MED12L: variants seen among roughly 807,000 people sequenced by gnomAD.
MED12L encodes the protein mediator of RNA polymerase II transcription subunit 12-like protein.
Under a neutral mutation model 281.3 loss-of-function variants are expected in MED12L, and 60 were observed. The ratio of observed to expected loss-of-function variants is 0.21; its 90% CI spans 0.17 to 0.26. The LOEUF (loss-of-function observed/expected upper bound fraction) is 0.26. Among genes scored for constraint, MED12L ranks in the 10% least tolerant of loss-of-function variants. The pLI, the probability that MED12L is intolerant of heterozygous loss-of-function variation, is 1.00. For synonymous variants in MED12L, 974 were observed against 987.2 expected, an observed-to-expected ratio of 0.99 and a Z score of 0.25; for missense variants, 2,146 against 2,680.9, an observed-to-expected ratio of 0.80 and a Z score of 4.41.
In MED12L at chr3:151,360,519, T is replaced by C. The variant is rs778239972; in HGVS notation, c.2871T>C (p.Ser957=). ...VKHVVNPSEC[S]SPERCILAYL... is the part of the protein sequence containing the mutation. ...ATGTCGTAAACCCCTCAGAATGTTC[T>C]TCCCCTGAAAGATGCATTTTAGCCT... Residue 957 remains serine, a synonymous_variant, in exon 21 of 45, where the codon TCT becomes TCC. Coordinates refer to ENST00000687756, the MANE Select transcript of MED12L (RefSeq NM_001393769.1). 4 of 1,612,974 alleles carry C rather than the reference T, an allele frequency of 2.5e-6. No homozygotes were observed. The highest frequency in any genetic ancestry group is 3.4e-6 in the Non-Finnish European group (4 of 1,179,134).
chr3:151,254,698 A>T (rs749017639), intron 16 of MED12L, among the ~76,000 whole-genome samples: 2 of 152,232 alleles, frequency 1.3e-5, no homozygotes, highest in Non-Finnish European at 2.9e-5. Context: ...CGCAGCATAG[A>T]TGCTTCTTAG....
intron 16 of MED12L, among the ~76,000 whole-genome samples, chr3:151,303,002 G>A (rs951357296): frequency 3.3e-5 from 5 of 152,156 alleles, no homozygotes; most frequent in Admixed American, 3.3e-4. Flanking sequence ...TGATGCCCAG[G>A]TTGTGGCAGG....
chr3:151,238,685 A>G (rs1260924082), intron 16 of MED12L, among the ~76,000 whole-genome samples: 1 of 152,206 alleles, frequency 6.6e-6, no homozygotes, highest in Non-Finnish European at 1.5e-5. Flanking sequence ...CTGACATACA[A>G]TCTTAAACAA....
intron 7 of MED12L, among the ~76,000 whole-genome samples, chr3:151,159,095 T>C (rs1325719562): frequency 6.6e-6 from 1 of 150,418 alleles, no homozygotes; most frequent in South Asian, 2.1e-4. Context: ...ACTGTCTCCA[T>C]ATAATAACAC....
chr3:151,248,969 C>G (rs889009494), intron 16 of MED12L: 1 of 152,144 alleles, frequency 6.6e-6, no homozygotes, highest in African/African-American at 2.4e-5. Context: ...CTGGACTGCT[C>G]GTGTTGACCA....
intron 9 of MED12L, 48 bp downstream of exon 9, chr3:151,164,090 G>T (rs750503290): frequency 1.3e-6 from 2 of 1,595,570 alleles, no homozygotes; most frequent in Admixed American, 1.7e-5. Context: ...ATTCTTGACA[G>T]GCATCAGGGC....
At chr3:151,167,104 A>G (rs1022163374) in intron 11 of MED12L, among the ~76,000 whole-genome samples, 3 of 152,326 alleles carry the variant, frequency 2.0e-5, no homozygotes, top group East Asian at 1.9e-4. Flanking sequence ...TTTAGCAACA[A>G]CTAGACTGGT....
chr3:151,302,926 T>A (rs1746137909), intron 16 of MED12L, among the ~76,000 whole-genome samples: 1 of 152,190 alleles, frequency 6.6e-6, no homozygotes, highest in South Asian at 2.1e-4. Flanking sequence ...TTTGGGATGC[T>A]GTGAAGATAC....
chr3:151,247,012 T>TG (rs1195691545), intron 16 of MED12L, among the ~76,000 whole-genome samples: 5 of 151,852 alleles, frequency 3.3e-5, no homozygotes, highest in African/African-American at 4.8e-5. Flanking sequence ...AAAAAACACA[T>TG]GAAAAAATCC....
Position 151,385,248 on chromosome 3 carries a change from T to C in MED12L, c.5088+57T>C, listed in dbSNP as rs1305080129. ...TTTATTTACAAAAGATGAAATACTT[T>C]TTTTTGTCTTACCATAGGATATATA... On this transcript the variant is annotated intron_variant, in intron 36 of 44. Transcript: ENST00000687756. 42 of 931,220 alleles carry C rather than the reference T, an allele frequency of 4.5e-5. No individual in the cohort carries two copies. In the East Asian group the frequency reaches 1.2e-3, roughly 26 times the overall value. The allele number at this position is 931,220 out of a possible 1,614,324, so 57.7% of individuals were successfully genotyped here.
chr3:151,175,902 T>C (rs1352890292), intron 11 of MED12L, among the ~76,000 whole-genome samples: 6 of 152,222 alleles, frequency 3.9e-5, no homozygotes, highest in Admixed American at 3.3e-4. Context: ...ACTGTAGATA[T>C]GCCCCAAGTT....
chr3:151,265,851 G>A (rs1402911979), intron 16 of MED12L, among the ~76,000 whole-genome samples: 1 of 152,184 alleles, frequency 6.6e-6, no homozygotes, highest in Admixed American at 6.5e-5. Context: ...GAAATTGGAA[G>A]GGTCTCTTGG....
intron 16 of MED12L, among the ~76,000 whole-genome samples, chr3:151,253,743 T>A (rs973347493): frequency 3.3e-5 from 5 of 152,132 alleles, no homozygotes; most frequent in African/African-American, 1.2e-4. Flanking sequence ...GTGGGGCAGG[T>A]GACTTTTTTG....
intron 11 of MED12L, among the ~76,000 whole-genome samples, chr3:151,181,899 C>A (rs780561340): frequency 5.9e-5 from 9 of 151,992 alleles, no homozygotes; most frequent in Non-Finnish European, 1.0e-4. Flanking sequence ...TTTGTAATAA[C>A]CATTTCTGGC....
intron 16 of MED12L, chr3:151,294,070 T>G: frequency 1.3e-6 from 1 of 764,420 alleles, no homozygotes. Context: ...ATCATTTTAG[T>G]TCTTTGAATT....
Position 151,247,268 on chromosome 3 carries a change from T to C in MED12L, c.2250+53602T>C, listed in dbSNP as rs553585191. ...CCCAGCCATCCCATTACTGGGTATA[T>C]ACCCAAAGGATTATAAATCATGCTG... is the stretch of plus-strand genomic sequence containing the variant. On this transcript the variant is annotated intron_variant, in intron 16 of 44. Transcript: ENST00000687756. 9.9e-3 allele frequency among the ~76,000 whole-genome samples: 1,507 copies of C among 152,194 alleles called. 26 individuals are homozygous for C. The highest frequency in any genetic ancestry group is 0.034 in the African/African-American group (1,395 of 41,514).
chr3:151,168,165 C>G (rs906166682), intron 11 of MED12L, among the ~76,000 whole-genome samples: 1 of 152,168 alleles, frequency 6.6e-6, no homozygotes, highest in Non-Finnish European at 1.5e-5. Flanking sequence ...TGAAATCACA[C>G]TGTGAGGTTC....
rs918859754 is a variant in MED12L at position 151,362,241 on chromosome 3, C to T, written c.2957+1636C>T. 3.3e-5 allele frequency among the ~76,000 whole-genome samples: 5 copies of T among 152,128 alleles called. No homozygotes were observed. The East Asian group carries it at 7.7e-4, about 24-fold the overall frequency. On this transcript the variant is annotated intron_variant, in intron 21 of 44. Coordinates refer to ENST00000687756, the MANE Select transcript of MED12L (RefSeq NM_001393769.1). Reference sequence around the variant, plus strand: ...CATTTTCAACATCCACTAAAGTGATCCTTTTAATATACGAATGATTCACAG... The same window carrying T: ...CATTTTCAACATCCACTAAAGTGATTCTTTTAATATACGAATGATTCACAG...
chr3:151,326,291 CATAAA>C (rs1393727783), intron 16 of MED12L: 3 of 152,580 alleles, frequency 2.0e-5, no homozygotes, highest in African/African-American at 4.8e-5. Context: ...TTCTCTAATA[CATAAA>C]ATAAACCAAA....
Sources: allele counts gnomAD v4.1 joint callset (sites outside exome capture counted in the v4.1 genomes callset), GRCh38; gene constraint gnomAD v4.1.1; transcripts MANE v1.5; gene names NCBI Gene and HGNC (gene_info 2026-07-23, HGNC 2026-07-21).